MTUS2: variants seen among roughly 807,000 people sequenced by gnomAD.
MTUS2 encodes the protein microtubule-associated tumor suppressor candidate 2.
MTUS2 carries 40 observed loss-of-function variants against 114.1 expected under a neutral mutation model. That is an observed-to-expected ratio of 0.35 (90% CI 0.27 to 0.46). The LOEUF (loss-of-function observed/expected upper bound fraction) is 0.46. Among genes scored for constraint, MTUS2 ranks in the 20% least tolerant of loss-of-function variants. The pLI, the probability that MTUS2 is intolerant of heterozygous loss-of-function variation, is 1.00. For missense variants in MTUS2, 1,679 were observed against 1,705.4 expected (o/e 0.98, Z 0.27); for synonymous variants, 688 against 672.0 (o/e 1.02, Z -0.37).
chr13:29,067,360 C>T (rs1888710945), intron 4 of MTUS2, among the ~76,000 whole-genome samples: 1 of 151,890 alleles, frequency 6.6e-6, no homozygotes, highest in African/African-American at 2.4e-5. Flanking sequence ...TGGGGAGACA[C>T]CAGGAAAATG....
intron 5 of MTUS2, among the ~76,000 whole-genome samples, chr13:29,274,054 T>C (rs1002300352): frequency 5.3e-5 from 8 of 152,192 alleles, no homozygotes; most frequent in African/African-American, 1.9e-4. Context: ...ACAGAACTGG[T>C]AAATCACATG....
Position 28,940,967 on chromosome 13 carries a change from G to A in MTUS2, c.-242-83490G>A, listed in dbSNP as rs182281064. The stretch of plus-strand genomic sequence containing the variant: ...CAAAAAAAGCTAGGGTAACTATACT[G>A]TTACCATCTAAGTTAGACTTTGAGG... On this transcript the variant is annotated intron_variant, in intron 2 of 15. Transcript: ENST00000612955. Among the ~76,000 whole-genome samples, 470 of 151,938 alleles carry A rather than the reference G, an allele frequency of 3.1e-3. 3 individuals carry two copies. Among genetic ancestry groups the A allele is most frequent in the Middle Eastern group, 6.8e-3 (2 of 294 alleles).
intron 5 of MTUS2, among the ~76,000 whole-genome samples, chr13:29,234,651 T>A (rs1469106105): frequency 6.6e-6 from 1 of 152,192 alleles, no homozygotes; most frequent in Non-Finnish European, 1.5e-5. Flanking sequence ...GCTGTTTCTG[T>A]CACCTGCTGA....
intron 6 of MTUS2, among the ~76,000 whole-genome samples, chr13:29,314,548 T>C (rs1899907615): frequency 6.6e-6 from 1 of 152,206 alleles, no homozygotes; most frequent in African/African-American, 2.4e-5. Flanking sequence ...TGTCATTTGC[T>C]GTAATAAGAA....
intron 8 of MTUS2, among the ~76,000 whole-genome samples, chr13:29,429,800 A>G (rs151276516): frequency 1.3e-5 from 2 of 152,316 alleles, no homozygotes; most frequent in East Asian, 3.9e-4. Flanking sequence ...AGCTTGAGGT[A>G]TGTGACCAGG....
In MTUS2 at chr13:28,964,538, G is replaced by A. The variant is rs140105267; in HGVS notation, c.-242-59919G>A. On this transcript the variant is annotated intron_variant, in intron 2 of 15. Coordinates refer to ENST00000612955, the MANE Select transcript of MTUS2 (RefSeq NM_001033602.4). ...GGCACAGCCACTGCACCTAAACACTGCCTGGCACTTGAGAGGTACGCTGAA... is the reference window on the plus strand; with the variant it reads ...GGCACAGCCACTGCACCTAAACACTACCTGGCACTTGAGAGGTACGCTGAA... Among the ~76,000 whole-genome samples, 93 of 152,008 alleles carry A rather than the reference G, an allele frequency of 6.1e-4. No homozygotes were observed. In the East Asian group the frequency reaches 0.017, roughly 27 times the overall value.
At chr13:29,273,838 C>T (rs1300415866) in intron 5 of MTUS2, among the ~76,000 whole-genome samples, 1 of 152,096 alleles carries the variant, frequency 6.6e-6, no homozygotes, top group Non-Finnish European at 1.5e-5. Flanking sequence ...TGGTATATAG[C>T]ATGTATCATT....
intron 2 of MTUS2, among the ~76,000 whole-genome samples, chr13:28,972,361 T>A: frequency 6.6e-6 from 1 of 152,188 alleles, no homozygotes; most frequent in Non-Finnish European, 1.5e-5. Flanking sequence ...AAGAAATAAT[T>A]GGTCCCCACA....
intron 5 of MTUS2, among the ~76,000 whole-genome samples, chr13:29,190,713 A>G (rs1442382629): frequency 6.6e-6 from 1 of 152,196 alleles, no homozygotes; most frequent in East Asian, 1.9e-4. Context: ...GTAATTCTCA[A>G]GCTAGAGCAT....
At chr13:28,949,178 T>C (rs193295682) in intron 2 of MTUS2, among the ~76,000 whole-genome samples, 5 of 152,268 alleles carry the variant, frequency 3.3e-5, no homozygotes, top group Admixed American at 1.3e-4. Context: ...TTAGGGAAAA[T>C]AAACATCTCT....
intron 1 of MTUS2, among the ~76,000 whole-genome samples, chr13:28,829,229 A>C (rs935874267): frequency 6.6e-6 from 1 of 152,178 alleles, no homozygotes; most frequent in Non-Finnish European, 1.5e-5. Flanking sequence ...TGTAGCCTTC[A>C]AAACTAATAG....
At chr13:28,852,900 A>ATACATAC (rs1555267743) in intron 2 of MTUS2, among the ~76,000 whole-genome samples, 6 of 148,490 alleles carry the variant, frequency 4.0e-5, no homozygotes, top group Non-Finnish European at 8.9e-5. Flanking sequence ...CTCTGTCTTA[A>ATACATAC]ATACATACAT....
chr13:29,035,943 G>A (rs1335997579), intron 4 of MTUS2, among the ~76,000 whole-genome samples: 1 of 151,960 alleles, frequency 6.6e-6, no homozygotes, highest in Non-Finnish European at 1.5e-5. Context: ...CCAGGAGTTT[G>A]AGACCAGCCT....
At chr13:29,340,777 G>A (rs547348309) in intron 7 of MTUS2, among the ~76,000 whole-genome samples, 31 of 152,324 alleles carry the variant, frequency 2.0e-4, no homozygotes, top group African/African-American at 7.5e-4. Context: ...CATGCAATGT[G>A]TAGTCTTTCA....
intron 8 of MTUS2, among the ~76,000 whole-genome samples, chr13:29,419,722 G>T (rs1875938260): frequency 6.6e-6 from 1 of 152,230 alleles, no homozygotes; most frequent in South Asian, 2.1e-4. Context: ...CAGCCCTGCA[G>T]TTAAAAGGAT....
intron 5 of MTUS2, among the ~76,000 whole-genome samples, chr13:29,211,232 G>C (rs1385189579): frequency 6.6e-6 from 1 of 151,940 alleles, no homozygotes; most frequent in Non-Finnish European, 1.5e-5. Context: ...GCTGGGTCAC[G>C]CAGGTTGCCA....
In MTUS2 at chr13:29,214,594, G is replaced by A. The variant is rs548283694; in HGVS notation, c.2645-67110G>A. On this transcript the variant is annotated intron_variant, in intron 5 of 15. Transcript: ENST00000612955. The stretch of plus-strand genomic sequence containing the variant: ...TCTCAGCATTTGCTTGTCTGTAAAG[G>A]ATTTTATTTCTCCTTCACTTATGAA... 2.0e-5 allele frequency among the ~76,000 whole-genome samples: 3 copies of A among 152,256 alleles called. No individual in the cohort carries two copies. In the East Asian group the frequency reaches 5.8e-4, roughly 29 times the overall value.
intron 8 of MTUS2, among the ~76,000 whole-genome samples, chr13:29,370,333 G>T (rs1871096470): frequency 6.6e-6 from 1 of 152,052 alleles, no homozygotes; most frequent in Admixed American, 6.6e-5. Flanking sequence ...GTGGTGGTGT[G>T]CATCTGTAGT....
Position 29,217,966 on chromosome 13 carries a change from A to T in MTUS2, c.2645-63738A>T, listed in dbSNP as rs187395557. Among the ~76,000 whole-genome samples the T allele has an allele frequency of 8.5e-5, 13 of 152,216 alleles. No homozygotes were observed. In the East Asian group the frequency reaches 2.5e-3, roughly 29 times the overall value. ...GACCTGGTCTCCACAAAGAAATTTTAAAAATTAGCTGGGCTTGGTGATGCA... is the reference window on the plus strand; with the variant it reads ...GACCTGGTCTCCACAAAGAAATTTTTAAAATTAGCTGGGCTTGGTGATGCA... On this transcript the variant is annotated intron_variant, in intron 5 of 15. Coordinates refer to ENST00000612955, the MANE Select transcript of MTUS2 (RefSeq NM_001033602.4).
Sources: allele counts gnomAD v4.1 joint callset (sites outside exome capture counted in the v4.1 genomes callset), GRCh38; gene constraint gnomAD v4.1.1; transcripts MANE v1.5; gene names NCBI Gene and HGNC (gene_info 2026-07-23, HGNC 2026-07-21).